ZNF770: variants seen among roughly 807,000 people sequenced by gnomAD.
The protein encoded by ZNF770 is zinc finger protein 770.
A neutral mutation model predicts 44.8 loss-of-function variants in ZNF770; 13 were observed. The ratio of observed to expected loss-of-function variants is 0.29; its 90% CI spans 0.19 to 0.46. ZNF770 has a LOEUF of 0.46. Ranked by LOEUF, ZNF770 falls within the 20% of genes least tolerant of loss-of-function variation. The probability of loss-of-function intolerance (pLI) is 1.00; values close to 1 mark genes in which losing one functional copy is unlikely to be tolerated. For missense variants in ZNF770, 681 were observed against 797.9 expected (o/e 0.85, Z 1.77); for synonymous variants, 304 against 271.8 (o/e 1.12, Z -1.17).
Position 34,979,447 on chromosome 15 carries a change from T to A in ZNF770, c.*1912A>T. The A allele has an allele frequency of 7.7e-6, 2 of 259,452 alleles. No homozygotes were observed. Among genetic ancestry groups the A allele is most frequent in the Non-Finnish European group, 1.5e-5 (2 of 129,338 alleles). The allele number at this position is 259,452 out of a possible 1,614,324, so 16.1% of individuals were successfully genotyped here. A position where few individuals can be genotyped will look rare whatever the true frequency, so the allele number is the denominator to read the frequency against. ...TTATCTTGCTTGCACTGGAGGAACA[T>A]ATCTCAAGGAAACCTAAGAGAAAGT... On this transcript the variant is annotated 3_prime_UTR_variant, in exon 3 of 3. Transcript: ENST00000356321.
In ZNF770 at chr15:34,978,888, T is replaced by C. The variant is rs1442812996; in HGVS notation, c.*2471A>G. ...CCAACGCACATCCGCCTGTATACTT[T>C]ATCCCTAGACTAATACCTAATGCAA... On this transcript the variant is annotated 3_prime_UTR_variant, in exon 3 of 3. Transcript: ENST00000356321. The C allele has an allele frequency of 4.6e-5, 7 of 152,244 alleles. No homozygotes were observed. The highest frequency in any genetic ancestry group is 4.4e-5 in the Non-Finnish European group (3 of 68,038). The allele number at this position is 152,244 out of a possible 1,614,324, so 9.4% of individuals were successfully genotyped here.
At position 34,982,604 on chromosome 15, in the gene ZNF770, T is replaced by C. The variant is rs1445211767; in HGVS notation, c.831A>G (p.Glu277=). The C allele has an allele frequency of 6.2e-7, 1 of 1,613,442 alleles. No individual in the cohort carries two copies. ...CATCAAGTGGATTATTCTCCTCAGA[T>C]TCACCAATCTCACCATTTTCAAAAC... The part of the protein sequence containing the change: ...QGGFENGEIG[E]SEENNPLDVH... The change falls in exon 3 of 3, where the codon GAA becomes GAG. Residue 277 remains glutamate, a synonymous_variant. Coordinates refer to ENST00000356321, the MANE Select transcript of ZNF770 (RefSeq NM_014106.4).
chr15:34,981,637 C>T lies in ZNF770; in HGVS notation c.1798G>A (p.Val600Ile), dbSNP rs754351866. 6.2e-7 allele frequency: 1 copy of T among 1,614,130 alleles called. No homozygotes were observed. Among genetic ancestry groups the T allele is most frequent in the South Asian group, 1.1e-5 (1 of 91,084 alleles). The change falls in exon 3 of 3, where the codon GTA becomes ATA. Residue 600 changes from valine to isoleucine, a missense_variant. Physicochemically the swap from Val to Ile is conservative, Grantham distance 29 (BLOSUM62 3). Transcript: ENST00000356321. Reference protein sequence around the residue: ...GSTGQPCLPNVLLESEQSNPF... With the variant: ...GSTGQPCLPNILLESEQSNPF... ...TTGCTTTGCTCTGATTCCAAAAGTA[C>T]ATTAGGAAGACAGGGTTGCCCGGTG...
At chr15:34,987,934 G>A (rs2050445819) in intron 1 of ZNF770, among the ~76,000 whole-genome samples, 182 bp downstream of exon 1, 1 of 152,102 alleles carries the variant, frequency 6.6e-6, no homozygotes, top group Non-Finnish European at 1.5e-5. Flanking sequence ...TGCTTTGGCT[G>A]CAGCCAGGAT....
At position 34,982,401 on chromosome 15, in the gene ZNF770, C is replaced by A. The variant is rs561248623; in HGVS notation, c.1034G>T (p.Arg345Leu). ...GTTATCTAATTTTTTACTCCTAGCA[C>A]GCTTAAGCTTGGCCAAGATTTTTTT... ...IVKKILAKLK[R>L]ARSKKLDNFQ... The change falls in exon 3 of 3, where the codon CGT (arginine) becomes CTT (leucine). Residue 345 changes from arginine to leucine, a missense_variant. By Grantham distance (102) the Arg-to-Leu change is moderately radical. Transcript: ENST00000356321. 1 of 1,612,826 alleles carries A rather than the reference C, an allele frequency of 6.2e-7. No homozygotes were observed. The highest frequency in any genetic ancestry group is 1.3e-5 in the African/African-American group (1 of 74,884).
At chr15:34,985,822 A>G (rs558976860) in intron 2 of ZNF770, among the ~76,000 whole-genome samples, 1 of 152,236 alleles carries the variant, frequency 6.6e-6, no homozygotes, top group Non-Finnish European at 1.5e-5. Context: ...TGAACCCAGG[A>G]GACGGAGGTT....
At position 34,979,649 on chromosome 15, in the gene ZNF770, C is replaced by T. The variant is rs779944679; in HGVS notation, c.*1710G>A. 2 of 449,068 alleles carry T rather than the reference C, an allele frequency of 4.5e-6. No homozygotes were observed. Among genetic ancestry groups the T allele is most frequent in the East Asian group, 7.3e-5 (1 of 13,698 alleles). The allele number at this position is 449,068 out of a possible 1,614,324, so 27.8% of individuals were successfully genotyped here. ...AAAAGAAGCAAGCAGATCACCCCCACCTACTATCCCTCCCGCCTCCCCCCT... is the reference window on the plus strand; with the variant it reads ...AAAAGAAGCAAGCAGATCACCCCCATCTACTATCCCTCCCGCCTCCCCCCT... On this transcript the variant is annotated 3_prime_UTR_variant, in exon 3 of 3. Coordinates refer to ENST00000356321, the MANE Select transcript of ZNF770 (RefSeq NM_014106.4).
At position 34,983,001 on chromosome 15, in the gene ZNF770, G is replaced by C. The variant is rs1168470478; in HGVS notation, c.434C>G (p.Ser145Cys). 5 of 1,613,868 alleles carry C rather than the reference G, an allele frequency of 3.1e-6. No individual in the cohort carries two copies. Among genetic ancestry groups the C allele is most frequent in the South Asian group, 1.1e-5 (1 of 91,054 alleles). ...CATGCTATACATGGGATCAGACTTA[G>C]AGCACGGGTGTAATGCCCATCTTTC... Reference protein sequence around the residue: ...TEERWALHPCSKSDPMYSMKR... With the variant: ...TEERWALHPCCKSDPMYSMKR... Residue 145 changes from serine (S) to cysteine (C), a missense_variant, in exon 3 of 3, where the codon TCT (serine) becomes TGT (cysteine). By Grantham distance (112) the Ser-to-Cys change is moderately radical. This residue lies in a region of ZNF770 where 432 missense variants were observed against 434.1 expected (regional missense o/e 1.00). Transcript: ENST00000356321.
rs752551143 is a variant in ZNF770, at chr15:34,982,213, A to G, written c.1222T>C (p.Leu408=). The G allele has an allele frequency of 3.1e-6, 5 of 1,613,272 alleles. No individual in the cohort carries two copies. The South Asian group carries it at 4.4e-5, about 14-fold the overall frequency. ...IGNRKKKTLT[L]PFSWQNMGKN... ...CCCATATTTTGCCAAGAAAATGGCA[A>G]AGTCAATGTTTTCTTCTTTCTATTG... The change falls in exon 3 of 3, where the codon TTG becomes CTG. Residue 408 remains leucine, a synonymous_variant. Coordinates refer to ENST00000356321, the MANE Select transcript of ZNF770 (RefSeq NM_014106.4).
Position 34,983,202 on chromosome 15 carries a change from C to G in ZNF770, c.233G>C (p.Ser78Thr). ...VHLERHQLTH[S>T]LPFKCSICQR... ...ACAAATACTACATTTAAAAGGCAGACTATGAGTTAGTTGATGCCTCTCCAG... is the reference window on the plus strand; with the variant it reads ...ACAAATACTACATTTAAAAGGCAGAGTATGAGTTAGTTGATGCCTCTCCAG... The change falls in exon 3 of 3, where the codon AGT becomes ACT. Residue 78 changes from serine to threonine, a missense_variant. Physicochemically the swap from Ser to Thr is moderately conservative, Grantham distance 58 (BLOSUM62 1). Coordinates refer to ENST00000356321, the MANE Select transcript of ZNF770 (RefSeq NM_014106.4). 1 of 1,613,674 alleles carries G rather than the reference C, an allele frequency of 6.2e-7. No homozygotes were observed. The highest frequency in any genetic ancestry group is 1.3e-5 in the African/African-American group (1 of 75,044).
rs1332889866 is a variant in ZNF770 at position 34,980,613 on chromosome 15, C to T, written c.*746G>A. The T allele has an allele frequency of 2.6e-5, 4 of 152,088 alleles. No individual in the cohort carries two copies. Among genetic ancestry groups the T allele is most frequent in the African/African-American group, 9.7e-5 (4 of 41,374 alleles). The allele number at this position is 152,088 out of a possible 1,614,324, so 9.4% of individuals were successfully genotyped here. A position where few individuals can be genotyped will look rare whatever the true frequency, so the allele number is the denominator to read the frequency against. On this transcript the variant is annotated 3_prime_UTR_variant, in exon 3 of 3. Coordinates refer to ENST00000356321, the MANE Select transcript of ZNF770 (RefSeq NM_014106.4). ...CCAACTTGGTGAACCCCCGTCTCTA[C>T]TAAAAATACAAAAATTAGCCAGGCG... is the stretch of plus-strand genomic sequence containing the variant.
At position 34,979,743 on chromosome 15, in the gene ZNF770, G is replaced by T; in HGVS notation, c.*1616C>A. 4.6e-6 allele frequency: 2 copies of T among 433,306 alleles called. No homozygotes were observed. The highest frequency in any genetic ancestry group is 1.6e-5 in the South Asian group (1 of 60,914). 26.8% of individuals were successfully genotyped at this position (433,306 alleles called of 1,614,324 possible). On this transcript the variant is annotated 3_prime_UTR_variant, in exon 3 of 3. Coordinates refer to ENST00000356321, the MANE Select transcript of ZNF770 (RefSeq NM_014106.4). ...TTCATTTATCCACATTCTCAATAGA[G>T]GATTTTCCACTATATTTAAGTATGG... is the stretch of plus-strand genomic sequence containing the variant.
Position 34,988,225 on chromosome 15 carries a change from C to A in ZNF770, c.-283G>T, listed in dbSNP as rs1274541709. On this transcript the variant is annotated 5_prime_UTR_variant, in exon 1 of 3. Transcript: ENST00000356321. Reference sequence around the variant, plus strand: ...GGAGCTGGCGAGGGCCCGGGAGGCACGCACCTCAGGCCCAGGTGCCGCGAA... The same window carrying A: ...GGAGCTGGCGAGGGCCCGGGAGGCAAGCACCTCAGGCCCAGGTGCCGCGAA... The A allele has an allele frequency of 6.6e-6, 1 of 152,212 alleles. No individual in the cohort carries two copies. Among genetic ancestry groups the A allele is most frequent in the Non-Finnish European group, 1.5e-5 (1 of 68,064 alleles). 9.4% of individuals were successfully genotyped at this position (152,212 alleles called of 1,614,324 possible).
At chr15:34,983,688 G>T (rs900549733) in intron 2 of ZNF770, among the ~76,000 whole-genome samples, 198 bp from the exon 3 acceptor site, 40 of 152,010 alleles carry the variant, frequency 2.6e-4, no homozygotes, top group Admixed American at 9.8e-4. Context: ...GTCTTTAAAA[G>T]AAATATCTAA....
At chr15:34,987,278 C>A (rs1001618515) in intron 2 of ZNF770, among the ~76,000 whole-genome samples, 1 of 152,236 alleles carries the variant, frequency 6.6e-6, no homozygotes, top group Non-Finnish European at 1.5e-5. Context: ...AAAGCACTTA[C>A]TGGGAGCCCT....
rs529680676 is a variant in ZNF770, at chr15:34,986,812, G to A, written c.-57+745C>T. The stretch of plus-strand genomic sequence containing the variant: ...AAATGGAGAAAAGTGTCTTAGCCAC[G>A]GTCCTTCCTAGGAGGGCCTCCAAAT... On this transcript the variant is annotated intron_variant, in intron 2 of 2. Transcript: ENST00000356321. Among the ~76,000 whole-genome samples, 102 of 152,210 alleles carry A rather than the reference G, an allele frequency of 6.7e-4. 1 individual carries two copies. Among genetic ancestry groups the A allele is most frequent in the African/African-American group, 2.4e-3 (100 of 41,556 alleles).
rs1391988723 is a variant in ZNF770 at position 34,981,846 on chromosome 15, G to A, written c.1589C>T (p.Pro530Leu). The A allele has an allele frequency of 1.2e-6, 2 of 1,613,758 alleles. No homozygotes were observed. The highest frequency in any genetic ancestry group is 1.7e-6 in the Non-Finnish European group (2 of 1,180,000). ...TTCTACTTGGCAAAGAGATGCATAA[G>A]GACTCTTTTCATTATGAGTCTGTTC... ...RHEQTHNEKSPYASLCQVEFG... is the reference protein window; with the variant it reads ...RHEQTHNEKSLYASLCQVEFG... The change falls in exon 3 of 3, where the codon CCT becomes CTT. Residue 530 changes from proline (P) to leucine (L), a missense_variant. Transcript: ENST00000356321.
chr15:34,982,005 C>T lies in ZNF770; in HGVS notation c.1430G>A (p.Cys477Tyr). The change falls in exon 3 of 3, where the codon TGT becomes TAT. Residue 477 changes from cysteine to tyrosine, a missense_variant. This residue lies in a region of ZNF770 where 148 missense variants were observed against 191.0 expected (regional missense o/e 0.77). Transcript: ENST00000356321. ...NIRTRHKICP[C>Y]DKCEKVFPSI... ...AGGAAATACCTTCTCACATTTGTCA[C>T]AAGGACATATCTTATGTCTAGTACG... 1.2e-6 allele frequency: 2 copies of T among 1,613,710 alleles called. No homozygotes were observed. Among genetic ancestry groups the T allele is most frequent in the Non-Finnish European group, 1.7e-6 (2 of 1,179,952 alleles).
rs199520953 is a variant in ZNF770 at position 34,982,489 on chromosome 15, C to T, written c.946G>A (p.Ala316Thr). The change falls in exon 3 of 3, where the codon GCT becomes ACT. Residue 316 changes from alanine (A) to threonine (T), a missense_variant. Coordinates refer to ENST00000356321, the MANE Select transcript of ZNF770 (RefSeq NM_014106.4). ...CTTGGAATTTTGCCACTTCTAGCAG[C>T]AAAACAGCTGTGTTCATTGAGAATC... Reference protein sequence around the residue: ...EQILNEHSCFAARSGKIPSRF... With the variant: ...EQILNEHSCFTARSGKIPSRF... The T allele has an allele frequency of 3.1e-6, 5 of 1,613,948 alleles. No individual in the cohort carries two copies. Among genetic ancestry groups the T allele is most frequent in the South Asian group, 1.1e-5 (1 of 91,062 alleles).
Sources: allele counts gnomAD v4.1 joint callset (sites outside exome capture counted in the v4.1 genomes callset), GRCh38; gene constraint gnomAD v4.1.1; regional missense constraint gnomAD v4.1.1; transcripts MANE v1.5; gene names NCBI Gene and HGNC (gene_info 2026-07-23, HGNC 2026-07-21).